The following PSD3 variants were observed in gnomAD, a reference collection of about 807,000 sequenced individuals.
PSD3 encodes the protein pleckstrin and Sec7 domain containing 3, also known as PH and SEC7 domain-containing protein 3.
In PSD3, 49 loss-of-function variants were observed where a neutral mutation model predicts 105.5. The ratio of observed to expected loss-of-function variants is 0.46; its 90% confidence interval spans 0.37 to 0.59. The LOEUF is 0.59. PSD3 is among the 20% of genes least tolerant of loss of function. PSD3 has a pLI of 0.00. For synonymous variants in PSD3, 557 were observed against 457.8 expected (o/e 1.22, Z -2.77); for missense variants, 1,561 against 1,263.8 (o/e 1.24, Z -3.57).
At chr8:18,865,995 T>C (rs923138564) in intron 4 of PSD3, among the ~76,000 whole-genome samples, 2 of 152,182 alleles carry the variant, frequency 1.3e-5, no homozygotes, top group African/African-American at 4.8e-5. Flanking sequence ...CCTTCACTGG[T>C]GTTCATCTCT....
intron 9 of PSD3, among the ~76,000 whole-genome samples, chr8:18,659,728 C>G (rs941729284): frequency 4.6e-5 from 7 of 152,154 alleles, no homozygotes; most frequent in Non-Finnish European, 8.8e-5. Context: ...CTTGAAGCGC[C>G]TTTGTTGGTG....
chr8:18,930,284 G>A (rs1821655657), intron 2 of PSD3, among the ~76,000 whole-genome samples: 1 of 152,076 alleles, frequency 6.6e-6, no homozygotes, highest in South Asian at 2.1e-4. Context: ...AGAGACTCCA[G>A]TGCATACTGC....
At chr8:18,576,775 G>T (rs1447847363) in intron 12 of PSD3, among the ~76,000 whole-genome samples, 1 of 152,004 alleles carries the variant, frequency 6.6e-6, no homozygotes, top group Non-Finnish European at 1.5e-5. Flanking sequence ...GAAATGATGA[G>T]GGCCAAAATC....
intron 9 of PSD3, among the ~76,000 whole-genome samples, chr8:18,671,207 T>A (rs558151879): frequency 6.6e-6 from 1 of 152,152 alleles, no homozygotes; most frequent in East Asian, 1.9e-4. Flanking sequence ...AGGAAGTAAG[T>A]AGGATGACTC....
At chr8:18,823,260 A>G (rs1812894174) in intron 4 of PSD3, among the ~76,000 whole-genome samples, 1 of 152,194 alleles carries the variant, frequency 6.6e-6, no homozygotes, top group Non-Finnish European at 1.5e-5. Context: ...GCTCGCTTTA[A>G]AATTTCTCCT....
intron 14 of PSD3, among the ~76,000 whole-genome samples, chr8:18,568,138 C>T (rs1801907187): frequency 6.6e-6 from 1 of 152,124 alleles, no homozygotes; most frequent in Non-Finnish European, 1.5e-5. Context: ...GTATAGCCTG[C>T]AGAACCGTGA....
At chr8:19,011,722 G>A (rs1242668317) in intron 1 of PSD3, among the ~76,000 whole-genome samples, 1 of 150,342 alleles carries the variant, frequency 6.7e-6, no homozygotes, top group Non-Finnish European at 1.5e-5. Flanking sequence ...TTTCTTTAAA[G>A]AAAACACACA....
chr8:18,642,483 C>T (rs1807719823), intron 10 of PSD3, among the ~76,000 whole-genome samples: 1 of 152,072 alleles, frequency 6.6e-6, no homozygotes, highest in Non-Finnish European at 1.5e-5. Context: ...CATCAAACAT[C>T]AAGCACTTAG....
intron 1 of PSD3, among the ~76,000 whole-genome samples, chr8:19,039,617 C>T (rs185779602): frequency 2.0e-5 from 3 of 152,262 alleles, no homozygotes; most frequent in Admixed American, 2.0e-4. Context: ...CATGTCCCTC[C>T]CAACCCTTCA....
intron 1 of PSD3, among the ~76,000 whole-genome samples, chr8:18,983,357 T>A (rs1224920136): frequency 1.3e-5 from 2 of 152,242 alleles, no homozygotes; most frequent in Admixed American, 6.5e-5. Flanking sequence ...ACATATTCAC[T>A]GAAGAAGCAC....
chr8:18,878,698 C>A (rs1817891904), intron 2 of PSD3, among the ~76,000 whole-genome samples: 1 of 152,134 alleles, frequency 6.6e-6, no homozygotes, highest in South Asian at 2.1e-4. Flanking sequence ...CTTAATTAAG[C>A]CTTCCCTTGC....
intron 4 of PSD3, among the ~76,000 whole-genome samples, chr8:18,832,212 C>T (rs1420506104): frequency 1.3e-5 from 2 of 152,138 alleles, no homozygotes; most frequent in Admixed American, 6.5e-5. Flanking sequence ...GGATGTATCA[C>T]TGCAACCCTA....
intron 15 of PSD3, among the ~76,000 whole-genome samples, chr8:18,547,112 C>T (rs1265836766): frequency 6.6e-6 from 1 of 152,164 alleles, no homozygotes; most frequent in South Asian, 2.1e-4. Context: ...GTTCCTGGGC[C>T]CTAGCACTGG....
intron 14 of PSD3, 70 bp from the exon 15 acceptor site, chr8:18,556,422 T>C: frequency 6.7e-7 from 1 of 1,489,480 alleles, no homozygotes; most frequent in South Asian, 1.3e-5. Flanking sequence ...CAGCATACTT[T>C]AAAAAATCCC....
Position 18,600,448 on chromosome 8 carries a change from A to G in PSD3, c.2411-14T>C, listed in dbSNP as rs756251963. ...TTCCTCTTGGAGCTAGAAAGGGGGAAAAAATGTAAAATTTTATTTGACATC... is the reference window on the plus strand; with the variant it reads ...TTCCTCTTGGAGCTAGAAAGGGGGAGAAAATGTAAAATTTTATTTGACATC... On this transcript the variant is annotated splice_polypyrimidine_tract_variant and intron_variant, in intron 11 of 15. Coordinates refer to ENST00000327040, the MANE Select transcript of PSD3 (RefSeq NM_015310.4). 1.6e-5 allele frequency: 25 copies of G among 1,564,910 alleles called. No individual in the cohort carries two copies. The East Asian group carries it at 2.3e-4, about 14-fold the overall frequency.
intron 1 of PSD3, among the ~76,000 whole-genome samples, chr8:19,066,633 G>A (rs1168989978): frequency 1.3e-5 from 2 of 152,176 alleles, no homozygotes; most frequent in African/African-American, 4.8e-5. Context: ...CATATTCAGA[G>A]GTTATCTCCA....
intron 9 of PSD3, among the ~76,000 whole-genome samples, chr8:18,721,672 G>A (rs371527663): frequency 2.7e-4 from 41 of 152,258 alleles, no homozygotes; most frequent in African/African-American, 9.4e-4. Flanking sequence ...TGCATAAACC[G>A]ATGATCATTC....
At position 18,600,168 on chromosome 8, in the gene PSD3, G is replaced by A. The variant is rs753022713; in HGVS notation, c.2481+196C>T. Among the ~76,000 whole-genome samples, 6 of 152,250 alleles carry A rather than the reference G, an allele frequency of 3.9e-5. No individual in the cohort carries two copies. In the South Asian group the frequency reaches 1.2e-3, roughly 32 times the overall value. On this transcript the variant is annotated intron_variant, in intron 12 of 15. Transcript: ENST00000327040. ...GCAGGATTGAGAAAGATTTCATTACGCTACTGAGAACAGCATGCAACTTAA... is the reference window on the plus strand; with the variant it reads ...GCAGGATTGAGAAAGATTTCATTACACTACTGAGAACAGCATGCAACTTAA...
chr8:18,638,427 A>G (rs1048797194), intron 10 of PSD3, among the ~76,000 whole-genome samples: 1 of 152,104 alleles, frequency 6.6e-6, no homozygotes, highest in Non-Finnish European at 1.5e-5. Context: ...TAGAACTGCT[A>G]AAGTCAGTAA....
Sources: allele counts gnomAD v4.1 joint callset (sites outside exome capture counted in the v4.1 genomes callset), GRCh38; gene constraint gnomAD v4.1.1; transcripts MANE v1.5; gene names NCBI Gene and HGNC (gene_info 2026-07-23, HGNC 2026-07-21).